MSRA: variants seen among roughly 807,000 people sequenced by gnomAD.
MSRA encodes mitochondrial peptide methionine sulfoxide reductase.
A neutral mutation model predicts 31.3 loss-of-function variants in MSRA; 54 were observed. The ratio of observed to expected loss-of-function variants is 1.73; its 90% confidence interval spans 1.39 to 2.17. The LOEUF is 2.17. Ranked by LOEUF, MSRA falls within the 30% of genes most tolerant of loss-of-function variation. The pLI is 0.00. For synonymous variants in MSRA, 169 were observed against 116.5 expected (o/e 1.45, Z -2.90); for missense variants, 507 against 300.9 (o/e 1.69, Z -5.07).
At chr8:10,374,002 C>T (rs1193420997) in intron 5 of MSRA, among the ~76,000 whole-genome samples, 1 of 152,222 alleles carries the variant, frequency 6.6e-6, no homozygotes, top group Non-Finnish European at 1.5e-5. Flanking sequence ...CATGCTCGCC[C>T]TCCCCAGCTC....
intron 3 of MSRA, among the ~76,000 whole-genome samples, chr8:10,247,563 A>C (rs1307073820): frequency 6.6e-6 from 1 of 152,202 alleles, no homozygotes; most frequent in Admixed American, 6.5e-5. Flanking sequence ...CAGTTCATGC[A>C]AACAGCTGGT....
chr8:10,080,691 A>C (rs80340067), intron 1 of MSRA, among the ~76,000 whole-genome samples: 2 of 45,764 alleles, frequency 4.4e-5, no homozygotes, highest in South Asian at 1.2e-3. Flanking sequence ...ATGCCTGGCT[A>C]ATTTTTTTTT....
chr8:10,160,487 T>G (rs1209357581), intron 1 of MSRA, among the ~76,000 whole-genome samples: 1 of 149,590 alleles, frequency 6.7e-6, no homozygotes, highest in Non-Finnish European at 1.5e-5. Flanking sequence ...AGAGCGAGAC[T>G]CCATCTAAAA....
Position 10,089,702 on chromosome 8 carries a change from C to T in MSRA, c.142+35044C>T, listed in dbSNP as rs967530797. 6.6e-5 allele frequency among the ~76,000 whole-genome samples: 10 copies of T among 152,294 alleles called. 1 individual carries two copies. The highest frequency in any genetic ancestry group is 2.0e-4 in the Admixed American group (3 of 15,300). On this transcript the variant is annotated intron_variant, in intron 1 of 5. Coordinates refer to ENST00000317173, the MANE Select transcript of MSRA (RefSeq NM_012331.5). Reference sequence around the variant, plus strand: ...TATGGCATTAGCATCTGCTGGCCTCCGGTGAGGACCTTTGTGCTGCATCAA... The same window carrying T: ...TATGGCATTAGCATCTGCTGGCCTCTGGTGAGGACCTTTGTGCTGCATCAA...
chr8:10,381,395 G>C (rs932066778), intron 5 of MSRA, among the ~76,000 whole-genome samples: 2 of 152,150 alleles, frequency 1.3e-5, no homozygotes, highest in Non-Finnish European at 2.9e-5. Context: ...CTAATCCCCA[G>C]GACCTCAGAA....
chr8:10,199,706 A>C (rs1400509351), intron 1 of MSRA, among the ~76,000 whole-genome samples: 1 of 152,178 alleles, frequency 6.6e-6, no homozygotes, highest in Non-Finnish European at 1.5e-5. Flanking sequence ...CATGAGAAGG[A>C]AGAATGCCCT....
intron 1 of MSRA, among the ~76,000 whole-genome samples, chr8:10,074,676 T>G (rs952036378): frequency 1.3e-5 from 2 of 152,164 alleles, no homozygotes; most frequent in African/African-American, 4.8e-5. Context: ...TTTTCTTTTT[T>G]TTGACACAGT....
At chr8:10,251,239 G>T (rs188308378) in intron 3 of MSRA, among the ~76,000 whole-genome samples, 1 of 151,778 alleles carries the variant, frequency 6.6e-6, no homozygotes, top group African/African-American at 2.4e-5. Context: ...CTTAATTTCT[G>T]AAGTGTTTGG....
chr8:10,368,534 A>G (rs200043540), intron 5 of MSRA, among the ~76,000 whole-genome samples: 128 of 152,370 alleles, frequency 8.4e-4, no homozygotes, highest in Non-Finnish European at 3.8e-4. Flanking sequence ...CTCATGGCCA[A>G]CACCGGAGTG....
chr8:10,337,719 C>G (rs942538854), intron 5 of MSRA: 12 of 702,498 alleles, frequency 1.7e-5, no homozygotes, highest in Non-Finnish European at 2.9e-5. Flanking sequence ...CTGGTGCTTC[C>G]CTGTTCTTCC....
intron 1 of MSRA, among the ~76,000 whole-genome samples, chr8:10,166,758 T>G (rs1383496079): frequency 2.0e-5 from 3 of 152,188 alleles, no homozygotes; most frequent in Non-Finnish European, 2.9e-5. Flanking sequence ...CCCTTGCTTG[T>G]TGGTGGTTTT....
intron 5 of MSRA, among the ~76,000 whole-genome samples, chr8:10,323,793 CA>C (rs1431659463): frequency 2.1e-5 from 2 of 96,566 alleles, no homozygotes; most frequent in Admixed American, 2.4e-4. Flanking sequence ...TGTCTGTCTG[CA>C]TGTCTGCATG....
chr8:10,067,966 C>T (rs1392943052), intron 1 of MSRA, among the ~76,000 whole-genome samples: 1 of 146,746 alleles, frequency 6.8e-6, no homozygotes, highest in Non-Finnish European at 1.5e-5. Context: ...TCACCACAAC[C>T]TCTGCCTCCC....
intron 1 of MSRA, among the ~76,000 whole-genome samples, chr8:10,121,446 G>T (rs1297828696): frequency 2.0e-5 from 3 of 152,310 alleles, no homozygotes; most frequent in South Asian, 2.1e-4. Flanking sequence ...TGACGTAGAA[G>T]TGCAAAAATA....
chr8:10,073,705 T>C (rs141241002), intron 1 of MSRA, among the ~76,000 whole-genome samples: 3 of 152,258 alleles, frequency 2.0e-5, no homozygotes, highest in Non-Finnish European at 2.9e-5. Flanking sequence ...GGAGGATGGA[T>C]AGATGTAGAT....
In MSRA at chr8:10,306,221, C is replaced by G. The variant is rs181565299; in HGVS notation, c.436+4583C>G. Among the ~76,000 whole-genome samples, 129 of 152,238 alleles carry G rather than the reference C, an allele frequency of 8.5e-4. 1 individual carries two copies. Among genetic ancestry groups the G allele is most frequent in the Non-Finnish European group, 1.5e-3 (101 of 68,030 alleles). On this transcript the variant is annotated intron_variant, in intron 4 of 5. Transcript: ENST00000317173. ...GGCCAGGACACTTACCCAACCTGAA[C>G]CTCCATTTTTCTCATCTACAGAAAA...
chr8:10,205,550 G>T (rs1218653966), intron 1 of MSRA, among the ~76,000 whole-genome samples: 1 of 152,118 alleles, frequency 6.6e-6, no homozygotes, highest in South Asian at 2.1e-4. Context: ...GAACATGTGG[G>T]TTTCAGCTGG....
chr8:10,066,916 T>C (rs1286078994), intron 1 of MSRA, among the ~76,000 whole-genome samples: 1 of 151,198 alleles, frequency 6.6e-6, no homozygotes, highest in Non-Finnish European at 1.5e-5. Context: ...TACAGAAAAA[T>C]TGAGTGGAAA....
At chr8:10,146,802 C>T (rs1331354471) in intron 1 of MSRA, among the ~76,000 whole-genome samples, 1 of 152,078 alleles carries the variant, frequency 6.6e-6, no homozygotes, top group East Asian at 1.9e-4. Flanking sequence ...CTGGAGCAGA[C>T]GCTGGACATA....
Sources: gnomAD v4.1 joint callset for allele counts (sites outside exome capture counted in the v4.1 genomes callset) on GRCh38, gnomAD v4.1.1 for gene constraint, MANE v1.5 for transcripts, NCBI Gene and HGNC (gene_info 2026-07-23, HGNC 2026-07-21) for gene names.